The following LOXHD1 variants were observed in gnomAD, a reference collection of about 807,000 sequenced individuals.
LOXHD1 encodes lipoxygenase homology domain-containing protein 1.
LOXHD1 carries 205 observed loss-of-function variants against 248.2 expected under a neutral mutation model. The ratio of observed to expected loss-of-function variants is 0.83; its 90% CI spans 0.74 to 0.93. LOXHD1 has a LOEUF of 0.93. LOXHD1 is among the 40% of genes least tolerant of loss of function. The probability of loss-of-function intolerance (pLI) is 0.00; values close to 1 mark genes in which losing one functional copy is unlikely to be tolerated. For missense variants in LOXHD1, 2,930 were observed against 2,971.6 expected (o/e 0.99, Z 0.33); for synonymous variants, 1,113 against 1,162.8 (o/e 0.96, Z 0.87).
chr18:46,622,555 C>A (rs1042103228), intron 4 of LOXHD1, among the ~76,000 whole-genome samples: 2 of 151,932 alleles, frequency 1.3e-5, no homozygotes, highest in African/African-American at 4.8e-5. Flanking sequence ...GGTAGATCTG[C>A]TCTCTGTGGC....
intron 16 of LOXHD1, among the ~76,000 whole-genome samples, chr18:46,567,303 A>G (rs1184148325): frequency 7.9e-5 from 12 of 152,254 alleles, no homozygotes; most frequent in Non-Finnish European, 1.3e-4. Context: ...CTGGTGCCAA[A>G]AGGCCAGATT....
chr18:46,499,464 G>A (rs1177722105), intron 37 of LOXHD1, among the ~76,000 whole-genome samples: 1 of 152,162 alleles, frequency 6.6e-6, no homozygotes, highest in African/African-American at 2.4e-5. Context: ...GAAAAAAGAA[G>A]AGAGAGAATA....
At chr18:46,573,430 A>C (rs2037794339) in intron 14 of LOXHD1, among the ~76,000 whole-genome samples, 1 of 152,204 alleles carries the variant, frequency 6.6e-6, no homozygotes, top group African/African-American at 2.4e-5. Flanking sequence ...TGGCAGCAGA[A>C]TAGATACCGT....
At chr18:46,518,831 C>G in intron 33 of LOXHD1, 1 of 967,996 alleles carries the variant, frequency 1.0e-6, no homozygotes. Flanking sequence ...ACAGCCTGCA[C>G]ATGCCCTGCA....
At chr18:46,478,067 G>A (rs924041658) in intron 40 of LOXHD1, 115 bp from the exon 41 acceptor site, 25 of 1,345,080 alleles carry the variant, frequency 1.9e-5, no homozygotes, top group Non-Finnish European at 9.9e-6. Flanking sequence ...AAGGTGATGG[G>A]ATATTGGAGC....
At chr18:46,554,299 G>T (rs1393301382) in intron 21 of LOXHD1, among the ~76,000 whole-genome samples, 3 of 152,206 alleles carry the variant, frequency 2.0e-5, no homozygotes, top group Non-Finnish European at 2.9e-5. Context: ...TAGTCATGGA[G>T]GATGTTGACT....
chr18:46,478,797 A>G (rs2032274843), intron 40 of LOXHD1, among the ~76,000 whole-genome samples: 1 of 152,196 alleles, frequency 6.6e-6, no homozygotes. Flanking sequence ...GGCTCAAGTC[A>G]TCCTCCTGCC....
intron 12 of LOXHD1, among the ~76,000 whole-genome samples, chr18:46,582,079 A>G (rs2037974046): frequency 6.6e-6 from 1 of 152,228 alleles, no homozygotes; most frequent in African/African-American, 2.4e-5. Context: ...ACTTGAAATC[A>G]CCTGATAGAT....
intron 34 of LOXHD1, 49 bp downstream of exon 34, chr18:46,518,080 G>A (rs1480003401): frequency 6.5e-7 from 1 of 1,549,152 alleles, no homozygotes; most frequent in Non-Finnish European, 8.7e-7. Flanking sequence ...GGGCAGAGGG[G>A]GAGAGTTGAA....
intron 37 of LOXHD1, among the ~76,000 whole-genome samples, chr18:46,494,605 A>G (rs893650970): frequency 3.3e-5 from 5 of 152,160 alleles, no homozygotes; most frequent in African/African-American, 1.2e-4. Context: ...GGCCACCCAG[A>G]GCAACACTCT....
At chr18:46,570,539 T>G (rs922498296) in intron 15 of LOXHD1, among the ~76,000 whole-genome samples, 1 of 152,196 alleles carries the variant, frequency 6.6e-6, no homozygotes, top group Admixed American at 6.5e-5. Flanking sequence ...TCAGCTCCAT[T>G]AGTGCCACCC....
intron 10 of LOXHD1, among the ~76,000 whole-genome samples, chr18:46,592,984 C>T (rs1458112923): frequency 6.6e-6 from 1 of 152,180 alleles, no homozygotes; most frequent in Admixed American, 6.5e-5. Context: ...AACAAGCAGT[C>T]ATGCCCTTTC....
At position 46,507,068 on chromosome 18, in the gene LOXHD1, G is replaced by A. The variant is rs147200907; in HGVS notation, c.5692+470C>T. On this transcript the variant is annotated intron_variant, in intron 36 of 40. Coordinates refer to ENST00000642948, the MANE Select transcript of LOXHD1 (RefSeq NM_001384474.1). Reference sequence around the variant, plus strand: ...ACTTTGGCATTGCATCCATCGGAGCGTCACCGCACTGCACTGTGGTTGCTC... The same window carrying A: ...ACTTTGGCATTGCATCCATCGGAGCATCACCGCACTGCACTGTGGTTGCTC... Among the ~76,000 whole-genome samples the A allele has an allele frequency of 2.9e-3, 446 of 152,290 alleles. 1 individual carries two copies. The highest frequency in any genetic ancestry group is 0.01 in the African/African-American group (425 of 41,544).
At chr18:46,654,023 G>A (rs9950390) in intron 1 of LOXHD1, among the ~76,000 whole-genome samples, 12,375 of 152,154 alleles carry the variant, frequency 0.081, 729 homozygotes, top group African/African-American at 0.16. Flanking sequence ...TGTTGCCATT[G>A]TGATAGTATT....
At chr18:46,601,185 C>G in intron 8 of LOXHD1, 32 bp downstream of exon 8, 1 of 1,540,198 alleles carries the variant, frequency 6.5e-7, no homozygotes, top group Non-Finnish European at 8.8e-7. Context: ...GGGGTTGAAT[C>G]AGGGAAGGCT....
chr18:46,614,604 G>A (rs2144320176), intron 5 of LOXHD1, among the ~76,000 whole-genome samples: 1 of 152,190 alleles, frequency 6.6e-6, no homozygotes, highest in South Asian at 2.1e-4. Context: ...AGCATTAGGA[G>A]ATATACCTAA....
In LOXHD1 at chr18:46,545,627, C is replaced by CTTTTTTTTTTTTTTTTTTTTTTTTT. The variant is rs56323729; in HGVS notation, c.3515-207_3515-206insAAAAAAAAAAAAAAAAAAAAAAAAA. On this transcript the variant is annotated intron_variant, in intron 22 of 40. Transcript: ENST00000642948. Reference sequence around the variant, plus strand: ...GTTTCTATGTTCCTCTTGGCCATTTCTTTTTTTTTTTTTTTTTTTTGAGAC... The same window carrying CTTTTTTTTTTTTTTTTTTTTTTTTT: ...GTTTCTATGTTCCTCTTGGCCATTTCTTTTTTTTTTTTTTTTTTTTTTTTTTTTTTTTTTTTTTTTTTTTTGAGAC... Among the ~76,000 whole-genome samples, 21 of 92,242 alleles carry CTTTTTTTTTTTTTTTTTTTTTTTTT rather than the reference C, an allele frequency of 2.3e-4. 3 individuals carry two copies. The highest frequency in any genetic ancestry group is 7.3e-4 in the African/African-American group (15 of 20,508). The allele number at this position is 92,242 out of a possible 152,430, so 60.5% of individuals were successfully genotyped here. A position where few individuals can be genotyped will look rare whatever the true frequency, so the allele number is the denominator to read the frequency against.
At chr18:46,548,124 A>G (rs2036927453) in intron 21 of LOXHD1, among the ~76,000 whole-genome samples, 1 of 152,122 alleles carries the variant, frequency 6.6e-6, no homozygotes, top group South Asian at 2.1e-4. Flanking sequence ...TCCTTGGCCC[A>G]TGCCTGGGAT....
intron 29 of LOXHD1, 122 bp from the exon 30 acceptor site, chr18:46,525,039 G>A (rs757106775): frequency 1.0e-5 from 12 of 1,155,540 alleles, no homozygotes; most frequent in Admixed American, 2.2e-5. Context: ...CTTCTTTGCT[G>A]GGGAGCCCTC....
Sources: gnomAD v4.1 joint callset for allele counts (sites outside exome capture counted in the v4.1 genomes callset) on GRCh38, gnomAD v4.1.1 for gene constraint, MANE v1.5 for transcripts, NCBI Gene and HGNC (gene_info 2026-07-23, HGNC 2026-07-21) for gene names.